DOK6: variants seen among roughly 807,000 people sequenced by gnomAD.
The protein encoded by DOK6 is downstream of tyrosine kinase 6.
DOK6 carries 22 observed loss-of-function variants against 44.0 expected under a neutral mutation model. The ratio of observed to expected loss-of-function variants is 0.50; its 90% CI spans 0.36 to 0.71. The LOEUF (loss-of-function observed/expected upper bound fraction) is 0.71. DOK6 is among the 30% of genes least tolerant of loss of function. DOK6 has a pLI of 0.00. For missense variants in DOK6, 340 were observed against 416.4 expected, an observed-to-expected ratio of 0.82 and a Z score of 1.60; for synonymous variants, 166 against 145.5, an observed-to-expected ratio of 1.14 and a Z score of -1.01.
intron 6 of DOK6, among the ~76,000 whole-genome samples, chr18:69,754,661 T>C (rs1979298023): frequency 6.6e-6 from 1 of 152,202 alleles, no homozygotes; most frequent in Admixed American, 6.5e-5. Context: ...GCCTCTCTTC[T>C]TGACTTTTAG....
intron 7 of DOK6, among the ~76,000 whole-genome samples, chr18:69,824,300 G>A (rs567326476): frequency 6.1e-5 from 9 of 146,458 alleles, no homozygotes; most frequent in Non-Finnish European, 1.2e-4. Context: ...GCGGTGTTTG[G>A]TTTTTTGTCC....
chr18:69,666,432 TTTTA>T (rs1985658849), intron 3 of DOK6, among the ~76,000 whole-genome samples: 2 of 150,520 alleles, frequency 1.3e-5, no homozygotes. Flanking sequence ...TCTTTATTTC[TTTTA>T]TTTTTTTTTA....
chr18:69,672,813 T>G (rs1568329484), intron 3 of DOK6, among the ~76,000 whole-genome samples: 2 of 152,146 alleles, frequency 1.3e-5, no homozygotes, highest in Non-Finnish European at 2.9e-5. Context: ...CATCAAAATG[T>G]CTTATATTTT....
Position 69,534,489 on chromosome 18 carries a change from G to C in DOK6, c.67-29998G>C, listed in dbSNP as rs113446382. On this transcript the variant is annotated intron_variant, in intron 1 of 7. Coordinates refer to ENST00000382713, the MANE Select transcript of DOK6 (RefSeq NM_152721.6). ...GTAATACACTTATTATTCTATATTTGCTTCTAAATTTTTTTTAATTTTCTT... is the reference window on the plus strand; with the variant it reads ...GTAATACACTTATTATTCTATATTTCCTTCTAAATTTTTTTTAATTTTCTT... 2.8e-3 allele frequency among the ~76,000 whole-genome samples: 426 copies of C among 151,916 alleles called. 3 individuals are homozygous for C. Among genetic ancestry groups the C allele is most frequent in the African/African-American group, 9.3e-3 (387 of 41,446 alleles).
At chr18:69,761,107 A>G (rs1413116438) in intron 7 of DOK6, among the ~76,000 whole-genome samples, 18 of 113,870 alleles carry the variant, frequency 1.6e-4, no homozygotes, top group Non-Finnish European at 2.4e-4. Context: ...GTCTAGTAGG[A>G]GCCTGCCTTT....
At chr18:69,439,481 A>G (rs935316381) in intron 1 of DOK6, among the ~76,000 whole-genome samples, 2 of 152,202 alleles carry the variant, frequency 1.3e-5, no homozygotes, top group African/African-American at 4.8e-5. Context: ...AGGCTGTTTT[A>G]TCTAAATTTA....
At chr18:69,701,537 A>C (rs560048377) in intron 5 of DOK6, among the ~76,000 whole-genome samples, 3 of 152,314 alleles carry the variant, frequency 2.0e-5, no homozygotes, top group Non-Finnish European at 1.5e-5. Flanking sequence ...TTACCTCATA[A>C]ATATTGTAAG....
At chr18:69,742,903 G>A (rs1046458415) in intron 6 of DOK6, among the ~76,000 whole-genome samples, 1 of 152,188 alleles carries the variant, frequency 6.6e-6, no homozygotes, top group Non-Finnish European at 1.5e-5. Flanking sequence ...GTCATGGCAA[G>A]AGCCTGACAG....
At chr18:69,486,876 T>C (rs1234613907) in intron 1 of DOK6, among the ~76,000 whole-genome samples, 5 of 152,228 alleles carry the variant, frequency 3.3e-5, no homozygotes, top group Non-Finnish European at 7.3e-5. Flanking sequence ...GTGTTTGCTA[T>C]GGAAATACCA....
At chr18:69,787,967 G>A (rs1980482890) in intron 7 of DOK6, among the ~76,000 whole-genome samples, 1 of 152,144 alleles carries the variant, frequency 6.6e-6, no homozygotes, top group African/African-American at 2.4e-5. Context: ...ATACCCAACA[G>A]GTGCTACCAC....
chr18:69,620,815 T>A (rs57795185), intron 3 of DOK6, among the ~76,000 whole-genome samples: 3,645 of 152,310 alleles, frequency 0.024, 145 homozygotes, highest in African/African-American at 0.082. Context: ...GTAAACCTTG[T>A]GTACTTTCCT....
At chr18:69,713,605 C>T (rs1357567909) in intron 5 of DOK6, among the ~76,000 whole-genome samples, 2 of 152,136 alleles carry the variant, frequency 1.3e-5, no homozygotes, top group South Asian at 2.1e-4. Context: ...TGTCATTTTG[C>T]ACATGACAAT....
At chr18:69,421,062 A>G (rs1166170589) in intron 1 of DOK6, among the ~76,000 whole-genome samples, 2 of 152,298 alleles carry the variant, frequency 1.3e-5, no homozygotes, top group African/African-American at 2.4e-5. Context: ...CCTAAGATGC[A>G]TGCATCACTT....
intron 5 of DOK6, among the ~76,000 whole-genome samples, chr18:69,725,148 G>A (rs1156443642): frequency 6.6e-6 from 1 of 152,210 alleles, no homozygotes; most frequent in Non-Finnish European, 1.5e-5. Flanking sequence ...CAGTCATGGA[G>A]ATGTGGTGAT....
At chr18:69,638,591 G>A (rs1984865879) in intron 3 of DOK6, among the ~76,000 whole-genome samples, 1 of 151,970 alleles carries the variant, frequency 6.6e-6, no homozygotes, top group African/African-American at 2.4e-5. Flanking sequence ...CAAAGAAACT[G>A]AATATTTGGC....
intron 7 of DOK6, among the ~76,000 whole-genome samples, chr18:69,764,096 C>G (rs924122583): frequency 6.6e-6 from 1 of 152,112 alleles, no homozygotes; most frequent in Admixed American, 6.6e-5. Flanking sequence ...CAGATACTTG[C>G]TACTACTAGT....
chr18:69,848,017 GCTCACACACA>G lies in DOK6; in HGVS notation c.*6636_*6645del, dbSNP rs1982385411. 1 of 76,936 alleles carries G rather than the reference GCTCACACACA, an allele frequency of 1.3e-5. No homozygotes were observed. Among genetic ancestry groups the G allele is most frequent in the Non-Finnish European group, 2.6e-5 (1 of 38,224 alleles). The allele number at this position is 76,936 out of a possible 1,614,324, so 4.8% of individuals were successfully genotyped here. ...CCCCTCCACCCCAACCTTAGTGCAT[GCTCACACACA>G]CACACACACACACACACACACACAC... On this transcript the variant is annotated 3_prime_UTR_variant, in exon 8 of 8. Coordinates refer to ENST00000382713, the MANE Select transcript of DOK6 (RefSeq NM_152721.6).
intron 4 of DOK6, among the ~76,000 whole-genome samples, chr18:69,693,241 C>A (rs1028921477): frequency 2.0e-5 from 3 of 149,702 alleles, no homozygotes; most frequent in African/African-American, 7.4e-5. Flanking sequence ...TTCTTTTGAC[C>A]CAACCTTCAA....
chr18:69,685,890 C>T (rs1472501212), intron 4 of DOK6, among the ~76,000 whole-genome samples: 2 of 152,124 alleles, frequency 1.3e-5, no homozygotes, highest in East Asian at 3.9e-4. Flanking sequence ...GTCGGCATCA[C>T]TAGACACGTG....
Sources: allele counts gnomAD v4.1 joint callset (sites outside exome capture counted in the v4.1 genomes callset), GRCh38; gene constraint gnomAD v4.1.1; transcripts MANE v1.5; gene names NCBI Gene and HGNC (gene_info 2026-07-23, HGNC 2026-07-21).